TOGARAM1: variants seen among roughly 807,000 people sequenced by gnomAD.
TOGARAM1 encodes TOG array regulator of axonemal microtubules 1.
TOGARAM1 carries 100 observed loss-of-function variants against 166.6 expected under a neutral mutation model. That is an observed-to-expected ratio of 0.60 (90% CI 0.51 to 0.71). The LOEUF is 0.71. Ranked by LOEUF, TOGARAM1 falls within the 30% of genes least tolerant of loss-of-function variation. The probability of loss-of-function intolerance (pLI) is 0.00; values close to 1 mark genes in which losing one functional copy is unlikely to be tolerated. For missense variants in TOGARAM1, 2,029 were observed against 2,102.7 expected (o/e 0.96, Z 0.69); for synonymous variants, 758 against 763.8 (o/e 0.99, Z 0.13).
At chr14:45,052,997 A>G (rs1421562867) in intron 15 of TOGARAM1, among the ~76,000 whole-genome samples, 3 of 145,696 alleles carry the variant, frequency 2.1e-5, no homozygotes, top group Non-Finnish European at 4.5e-5. Flanking sequence ...ACTGCAGAAC[A>G]TTTTTAGGGA....
chr14:45,043,739 C>G lies in TOGARAM1; in HGVS notation c.3866C>G (p.Ser1289Cys). 2.5e-6 allele frequency: 4 copies of G among 1,613,558 alleles called. No individual in the cohort carries two copies. Among genetic ancestry groups the G allele is most frequent in the Non-Finnish European group, 3.4e-6 (4 of 1,179,586 alleles). Residue 1289 changes from serine (S) to cysteine (C), a missense_variant, in exon 12 of 20, where the codon TCT becomes TGT. Transcript: ENST00000361462. ...ATTAGATGCTTAGCTGCTTTTCATT[C>G]TGAGATACTGAACACAAAGTTGCAT... ...NFIRCLAAFH[S>C]EILNTKLHET...
intron 1 of TOGARAM1, among the ~76,000 whole-genome samples, chr14:44,983,141 T>A (rs1303244926): frequency 6.6e-6 from 1 of 152,142 alleles, no homozygotes; most frequent in Non-Finnish European, 1.5e-5. Context: ...GTGTTAAACA[T>A]GCAAAATGCA....
chr14:45,020,004 T>C (rs1880401619), intron 7 of TOGARAM1, among the ~76,000 whole-genome samples: 1 of 152,178 alleles, frequency 6.6e-6, no homozygotes, highest in South Asian at 2.1e-4. Flanking sequence ...TAGATTTTAG[T>C]CATGGACTGC....
At chr14:45,046,968 A>G (rs942347470) in intron 14 of TOGARAM1, among the ~76,000 whole-genome samples, 3 of 152,228 alleles carry the variant, frequency 2.0e-5, no homozygotes. Context: ...AAACGGCACA[A>G]GACTGTGTGA....
At chr14:44,992,003 T>C (rs1175235034) in intron 1 of TOGARAM1, among the ~76,000 whole-genome samples, 4 of 136,482 alleles carry the variant, frequency 2.9e-5, no homozygotes, top group Non-Finnish European at 6.1e-5. Context: ...CTTTGGTAGC[T>C]GAAGTGGCAA....
intron 1 of TOGARAM1, among the ~76,000 whole-genome samples, chr14:44,976,770 A>G (rs993457888): frequency 3.3e-5 from 5 of 152,228 alleles, no homozygotes; most frequent in Non-Finnish European, 7.3e-5. Context: ...TGTGAAAATC[A>G]GTGGTGAACA....
In TOGARAM1 at chr14:45,001,755, C is replaced by T. The variant is rs185755697; in HGVS notation, c.2338+2258C>T. 5.0e-3 allele frequency among the ~76,000 whole-genome samples: 766 copies of T among 152,072 alleles called. 8 individuals are homozygous for T. The highest frequency in any genetic ancestry group is 0.018 in the African/African-American group (731 of 41,474). ...GTGTTAGCAGATGACAATTATTTTC[C>T]GTAACAGTTTTAAATTTTAAGACAA... On this transcript the variant is annotated intron_variant, in intron 3 of 19. Transcript: ENST00000361462.
At chr14:45,067,410 C>A (rs1209511694) in intron 17 of TOGARAM1, among the ~76,000 whole-genome samples, 3 of 152,024 alleles carry the variant, frequency 2.0e-5, no homozygotes, top group Middle Eastern at 3.2e-3. Context: ...GGTTAGAAAT[C>A]TCTATATACT....
rs764200672 is a variant in TOGARAM1, at chr14:44,995,841, A to G, written c.2142A>G (p.Ser714=). 1.2e-6 allele frequency: 2 copies of G among 1,610,962 alleles called. No individual in the cohort carries two copies. Among genetic ancestry groups the G allele is most frequent in the Middle Eastern group, 1.7e-4 (1 of 5,992 alleles). Residue 714 remains serine (S), a synonymous_variant, in exon 2 of 20, where the codon TCA becomes TCG. Transcript: ENST00000361462. ...DDLCFSRKRV[S]RNLFQNSRDF... is the part of the protein sequence containing the mutation. ...TATGTTTTAGCAGAAAAAGAGTATC[A>G]AGAAACTTATTTCAGAATAGTCGGG...
In TOGARAM1 at chr14:45,073,874, A is replaced by G. The variant is rs764387812; in HGVS notation, c.*313A>G. 5.0e-6 allele frequency: 1 copy of G among 198,662 alleles called. No individual in the cohort carries two copies. The highest frequency in any genetic ancestry group is 1.0e-5 in the Non-Finnish European group (1 of 98,538). 12.3% of individuals were successfully genotyped at this position (198,662 alleles called of 1,614,324 possible). Reference sequence around the variant, plus strand: ...TAGAAACTACAATTTGTTGCCCTATATGTAAAATTAGAATTGTAATTAAAA... The same window carrying G: ...TAGAAACTACAATTTGTTGCCCTATGTGTAAAATTAGAATTGTAATTAAAA... On this transcript the variant is annotated 3_prime_UTR_variant, in exon 20 of 20. Coordinates refer to ENST00000361462, the MANE Select transcript of TOGARAM1 (RefSeq NM_001308120.2).
intron 11 of TOGARAM1, among the ~76,000 whole-genome samples, chr14:45,040,098 C>T (rs1458408957): frequency 6.6e-6 from 1 of 152,142 alleles, no homozygotes; most frequent in Non-Finnish European, 1.5e-5. Context: ...TAAAAGGATT[C>T]AGATTTTATA....
In TOGARAM1 at chr14:44,963,811, A is replaced by G; in HGVS notation, c.1390A>G (p.Lys464Glu). ...EYMKIFLKLMKEVGPQQVLCL... is the reference protein window; with the variant it reads ...EYMKIFLKLMEEVGPQQVLCL... ...CATGAAAATCTTCCTCAAGCTAATG[A>G]AGGAAGTAGGACCTCAGCAGGTGCT... The change falls in exon 1 of 20, where the codon AAG (lysine) becomes GAG (glutamate). Residue 464 changes from lysine (K) to glutamate (E), a missense_variant. Lys to Glu is a moderately conservative substitution (Grantham distance 56). This residue lies in a region of TOGARAM1 where 1,453 missense variants were observed against 1,432.2 expected (regional missense o/e 1.01). Coordinates refer to ENST00000361462, the MANE Select transcript of TOGARAM1 (RefSeq NM_001308120.2). 6 of 1,614,146 alleles carry G rather than the reference A, an allele frequency of 3.7e-6. No homozygotes were observed. The highest frequency in any genetic ancestry group is 5.1e-6 in the Non-Finnish European group (6 of 1,179,992).
At chr14:45,005,194 G>A (rs770947149) in intron 4 of TOGARAM1, among the ~76,000 whole-genome samples, 6 of 152,088 alleles carry the variant, frequency 3.9e-5, no homozygotes, top group African/African-American at 7.2e-5. Flanking sequence ...GATTACAGGC[G>A]TGAGCTACTG....
intron 18 of TOGARAM1, among the ~76,000 whole-genome samples, chr14:45,071,044 C>T (rs1288082985): frequency 2.0e-5 from 3 of 152,098 alleles, no homozygotes; most frequent in East Asian, 3.9e-4. Context: ...GCCTCAGCCT[C>T]CCAAGTAGCT....
intron 1 of TOGARAM1, among the ~76,000 whole-genome samples, chr14:44,984,834 T>C (rs1468856580): frequency 1.3e-5 from 2 of 151,936 alleles, no homozygotes; most frequent in East Asian, 3.9e-4. Flanking sequence ...AAAAGAGCTA[T>C]ACCAGTTCCC....
rs538285728 is a variant in TOGARAM1, at chr14:45,014,195, G to A, written c.3238+2120G>A. Among the ~76,000 whole-genome samples, 5 of 152,028 alleles carry A rather than the reference G, an allele frequency of 3.3e-5. No individual in the cohort carries two copies. The South Asian group carries it at 1.0e-3, about 32-fold the overall frequency. On this transcript the variant is annotated intron_variant, in intron 7 of 19. Transcript: ENST00000361462. The stretch of plus-strand genomic sequence containing the variant: ...CAGGTAGCTGGGACTACAGGCGCCT[G>A]CCACTACGCCTGGCTAATTTTTTGT...
At chr14:45,027,699 T>G (rs1406450764) in intron 9 of TOGARAM1, among the ~76,000 whole-genome samples, 1 of 152,006 alleles carries the variant, frequency 6.6e-6, no homozygotes, top group Non-Finnish European at 1.5e-5. Context: ...AGAGAGCCTA[T>G]TTTCTCTAGG....
chr14:45,029,614 C>T (rs1007387679), intron 10 of TOGARAM1, among the ~76,000 whole-genome samples: 2 of 152,124 alleles, frequency 1.3e-5, no homozygotes, highest in African/African-American at 4.8e-5. Flanking sequence ...GGATATGCCT[C>T]CAGTTAAGAA....
At chr14:44,978,817 GA>G (rs112270973) in intron 1 of TOGARAM1, among the ~76,000 whole-genome samples, 7 of 144,970 alleles carry the variant, frequency 4.8e-5, no homozygotes, top group Middle Eastern at 3.5e-3. Flanking sequence ...AAAAAAAAGA[GA>G]AAAAAAAAAG....
Sources: gnomAD v4.1 joint callset for allele counts (sites outside exome capture counted in the v4.1 genomes callset) on GRCh38, gnomAD v4.1.1 for gene constraint, gnomAD v4.1.1 regional missense constraint, MANE v1.5 for transcripts, NCBI Gene and HGNC (gene_info 2026-07-23, HGNC 2026-07-21) for gene names.